Variants in DPY19L3 observed in about 807,000 individuals in gnomAD.
DPY19L3 encodes the protein dpy-19 like C-mannosyltransferase 3.
In DPY19L3, 51 loss-of-function variants were observed where a neutral mutation model predicts 92.3. The ratio of observed to expected loss-of-function variants is 0.55; its 90% CI spans 0.44 to 0.70. DPY19L3 has a LOEUF of 0.70. Ranked by LOEUF, DPY19L3 falls within the 30% of genes least tolerant of loss-of-function variation. The pLI, the probability that DPY19L3 is intolerant of heterozygous loss-of-function variation, is 0.00. For missense variants in DPY19L3, 706 were observed against 855.9 expected (o/e 0.82, Z 2.18); for synonymous variants, 309 against 315.2 (o/e 0.98, Z 0.21).
At position 32,466,345 on chromosome 19, in the gene DPY19L3, C is replaced by A. The variant is rs1471205895; in HGVS notation, c.1614+1561C>A. On this transcript the variant is annotated intron_variant, in intron 15 of 18. Coordinates refer to ENST00000392250, the MANE Select transcript of DPY19L3 (RefSeq NM_001172774.2). ...GAATCAGAAGCCTGGGAGTCCAGTA[C>A]AGAAATAGGCATTTAACCAGCCCCC... 2.0e-5 allele frequency among the ~76,000 whole-genome samples: 3 copies of A among 152,206 alleles called. No homozygotes were observed. The South Asian group carries it at 6.2e-4, about 31-fold the overall frequency.
chr19:32,427,792 G>A (rs552061560), intron 3 of DPY19L3, among the ~76,000 whole-genome samples: 32 of 152,132 alleles, frequency 2.1e-4, no homozygotes, highest in Admixed American at 1.8e-3. Flanking sequence ...TGTTTGCTGA[G>A]GGCATGATTC....
chr19:32,412,937 A>AG (rs1349310313), intron 3 of DPY19L3: 15 of 152,158 alleles, frequency 9.9e-5, no homozygotes, highest in African/African-American at 3.4e-4. Context: ...ATCAAAAAAA[A>AG]AAAGAAAAAA....
chr19:32,439,489 T>G (rs1344497016), intron 7 of DPY19L3, among the ~76,000 whole-genome samples: 1 of 152,234 alleles, frequency 6.6e-6, no homozygotes, highest in South Asian at 2.1e-4. Context: ...CCACACACAA[T>G]TTCTGCAAAC....
intron 16 of DPY19L3, among the ~76,000 whole-genome samples, chr19:32,472,958 T>C (rs932149120): frequency 1.3e-5 from 2 of 152,236 alleles, no homozygotes; most frequent in Admixed American, 1.3e-4. Context: ...AGACCTTAAA[T>C]GCCTATAAGC....
At chr19:32,477,877 C>T (rs542061190) in intron 17 of DPY19L3, among the ~76,000 whole-genome samples, 516 of 152,258 alleles carry the variant, frequency 3.4e-3, no homozygotes, top group Middle Eastern at 0.027. Context: ...CTGGGGAGGC[C>T]TCACAATCAT....
intron 2 of DPY19L3, among the ~76,000 whole-genome samples, chr19:32,409,707 C>T (rs1480347015): frequency 6.6e-6 from 1 of 152,158 alleles, no homozygotes; most frequent in Non-Finnish European, 1.5e-5. Context: ...GTGTAGAGAT[C>T]ACATGACCAG....
chr19:32,437,962 C>T (rs1296189447), intron 6 of DPY19L3, among the ~76,000 whole-genome samples: 1 of 152,140 alleles, frequency 6.6e-6, no homozygotes, highest in Non-Finnish European at 1.5e-5. Context: ...GCATGAGCTA[C>T]TGTGCCTTGC....
At chr19:32,412,251 A>G (rs1176333962) in intron 3 of DPY19L3, 1 of 151,990 alleles carries the variant, frequency 6.6e-6, no homozygotes, top group African/African-American at 2.4e-5. Context: ...AGTATTTTTC[A>G]AGTTATAGAT....
chr19:32,412,961 T>C (rs1434848370), intron 3 of DPY19L3: 1 of 151,948 alleles, frequency 6.6e-6, no homozygotes, highest in Non-Finnish European at 1.5e-5. Flanking sequence ...GAGGGGGTGG[T>C]CTGTGACTCT....
At chr19:32,450,981 T>C (rs1397439664) in intron 8 of DPY19L3, among the ~76,000 whole-genome samples, 1 of 152,092 alleles carries the variant, frequency 6.6e-6, no homozygotes, top group Non-Finnish European at 1.5e-5. Flanking sequence ...CCAATGTTTA[T>C]TAAGTGCCGC....
At chr19:32,451,523 A>G (rs1000321563) in intron 8 of DPY19L3, among the ~76,000 whole-genome samples, 1 of 152,320 alleles carries the variant, frequency 6.6e-6, no homozygotes, top group South Asian at 2.1e-4. Context: ...CAATGCTTCT[A>G]TCAATAGGTT....
At chr19:32,481,611 T>C (rs746161272) in intron 18 of DPY19L3, 3 of 152,346 alleles carry the variant, frequency 2.0e-5, no homozygotes, top group Non-Finnish European at 4.4e-5. Flanking sequence ...AGATGGAGTC[T>C]GGCTATGTTG....
At position 32,432,851 on chromosome 19, in the gene DPY19L3, T is replaced by C. The variant is rs537108855; in HGVS notation, c.328+45T>C. 270 of 1,575,930 alleles carry C rather than the reference T, an allele frequency of 1.7e-4. 3 individuals are homozygous for C. In the South Asian group the frequency reaches 2.9e-3, roughly 17 times the overall value. On this transcript the variant is annotated intron_variant, in intron 4 of 18. Coordinates refer to ENST00000392250, the MANE Select transcript of DPY19L3 (RefSeq NM_001172774.2). The stretch of plus-strand genomic sequence containing the variant: ...TCATTTGGGGTCTCCTGCATTTTTT[T>C]CAATATTTTAGTGAGAAGTACTGTG...
chr19:32,420,538 G>A (rs996557498), intron 3 of DPY19L3, among the ~76,000 whole-genome samples: 5 of 151,474 alleles, frequency 3.3e-5, no homozygotes, highest in African/African-American at 1.2e-4. Context: ...TTTGCCTCCC[G>A]AGTTCAAGCG....
At chr19:32,477,092 T>C (rs543548063) in intron 16 of DPY19L3, among the ~76,000 whole-genome samples, 51 of 152,294 alleles carry the variant, frequency 3.3e-4, no homozygotes, top group African/African-American at 1.2e-3. Flanking sequence ...TTTGTTAGAC[T>C]CTGCCCCTCT....
chr19:32,424,163 T>A lies in DPY19L3; in HGVS notation c.238-8553T>A, dbSNP rs919484567. On this transcript the variant is annotated intron_variant, in intron 3 of 18. Coordinates refer to ENST00000392250, the MANE Select transcript of DPY19L3 (RefSeq NM_001172774.2). ...GAGATCCCATCTCTACAAAAAATTT[T>A]TAAAAAATTAGCTGGGTGTGGTAGT... Among the ~76,000 whole-genome samples, 8 of 150,360 alleles carry A rather than the reference T, an allele frequency of 5.3e-5. No homozygotes were observed. In the East Asian group the frequency reaches 1.6e-3, roughly 30 times the overall value.
intron 8 of DPY19L3, among the ~76,000 whole-genome samples, chr19:32,451,021 G>C (rs1264437372): frequency 2.0e-5 from 3 of 152,066 alleles, no homozygotes; most frequent in Non-Finnish European, 4.4e-5. Context: ...TAAGGTGCTG[G>C]GGATACAGCA....
At chr19:32,427,571 A>G (rs573673126) in intron 3 of DPY19L3, among the ~76,000 whole-genome samples, 2 of 152,326 alleles carry the variant, frequency 1.3e-5, no homozygotes, top group South Asian at 2.1e-4. Flanking sequence ...AATCCACACA[A>G]TAGTAGTACG....
At position 32,454,975 on chromosome 19, in the gene DPY19L3, G is replaced by T. The variant is rs765718424; in HGVS notation, c.1024G>T (p.Gly342Trp). The change falls in exon 10 of 19, where the codon GGG becomes TGG. Residue 342 changes from glycine to tryptophan, a missense_variant. By Grantham distance (184) the Gly-to-Trp change is radical (BLOSUM62 -2). Transcript: ENST00000392250. ...AACTGGAAGCTTCCTTAATAGGCTT[G>T]GGAAACTTTTGTTACATTTATTTAT... ...LKTGSFLNRL[G>W]KLLLHLFMVL... 1 of 1,573,682 alleles carries T rather than the reference G, an allele frequency of 6.4e-7. No individual in the cohort carries two copies. The highest frequency in any genetic ancestry group is 8.6e-7 in the Non-Finnish European group (1 of 1,168,660).
Sources: gnomAD v4.1 joint callset for allele counts (sites outside exome capture counted in the v4.1 genomes callset) on GRCh38, gnomAD v4.1.1 for gene constraint, MANE v1.5 for transcripts, NCBI Gene and HGNC (gene_info 2026-07-23, HGNC 2026-07-21) for gene names.